Variants in IFT25 observed in about 807,000 individuals in gnomAD.
IFT25 encodes the protein intraflagellar transport 25.
the IFT25 span, chr1:53,929,561 A>G: frequency 6.6e-6 from 1 of 152,670 alleles, no homozygotes; most frequent in Non-Finnish European, 1.5e-5. Context: ...TTATCCCCCT[A>G]AATTCCTGAG....
At chr1:53,921,435 G>A in the IFT25 span, 1 of 464,300 alleles carries the variant, frequency 2.2e-6, no homozygotes, top group Non-Finnish European at 3.9e-6. Flanking sequence ...TCACTTCCTT[G>A]ATTAAGCTAT....
chr1:53,931,210 C>T, the IFT25 span, among the ~76,000 whole-genome samples: 1 of 152,122 alleles, frequency 6.6e-6, no homozygotes, highest in African/African-American at 2.4e-5. Context: ...ATTTTAATTG[C>T]TTGCAGCTTT....
At chr1:53,919,787 ACT>A in the IFT25 span, among the ~76,000 whole-genome samples, 1 of 143,612 alleles carries the variant, frequency 7.0e-6, no homozygotes, top group African/African-American at 2.9e-5. Flanking sequence ...CAAATCAATA[ACT>A]TTTTTCCTTT....
chr1:53,940,264 C>A, the IFT25 span, among the ~76,000 whole-genome samples: 2 of 152,114 alleles, frequency 1.3e-5, no homozygotes, highest in Non-Finnish European at 2.9e-5. Flanking sequence ...AAACCTCTCC[C>A]AGGGATAATC....
At chr1:53,928,258 C>A in the IFT25 span, 2 of 810,106 alleles carry the variant, frequency 2.5e-6, no homozygotes, top group South Asian at 1.7e-5. Context: ...AAATGTGTCA[C>A]AAGGATCATT....
the IFT25 span, chr1:53,928,326 A>C: frequency 2.1e-6 from 3 of 1,402,636 alleles, no homozygotes; most frequent in South Asian, 3.5e-5. Flanking sequence ...TCAAAGGAAT[A>C]TTATCTACTC....
At chr1:53,941,890 C>T in the IFT25 span, among the ~76,000 whole-genome samples, 2,107 of 152,232 alleles carry the variant, frequency 0.014, 58 homozygotes, top group African/African-American at 0.049. Context: ...TCAGACAAAG[C>T]TTCTCAAGAT....
the IFT25 span, chr1:53,928,718 G>A: frequency 1.5e-5 from 5 of 337,806 alleles, no homozygotes; most frequent in Admixed American, 4.6e-5. Flanking sequence ...TGTGTATGGC[G>A]ATAATACTAC....
chr1:53,924,973 AAAT>A, the IFT25 span, among the ~76,000 whole-genome samples: 1 of 152,238 alleles, frequency 6.6e-6, no homozygotes, highest in Non-Finnish European at 1.5e-5. Context: ...CCCTTTTCTG[AAAT>A]AATGAAAATC....
the IFT25 span, among the ~76,000 whole-genome samples, chr1:53,940,833 C>T: frequency 6.6e-6 from 1 of 151,904 alleles, no homozygotes; most frequent in African/African-American, 2.4e-5. Context: ...CCTTAGCCTC[C>T]CAAGTAGCTG....
chr1:53,912,227 GA>G, the IFT25 span, among the ~76,000 whole-genome samples: 5 of 152,300 alleles, frequency 3.3e-5, no homozygotes, highest in African/African-American at 1.2e-4. Context: ...CAAATGCACA[GA>G]AATCTCCCCA....
At chr1:53,927,835 A>G in the IFT25 span, among the ~76,000 whole-genome samples, 1 of 152,216 alleles carries the variant, frequency 6.6e-6, no homozygotes, top group South Asian at 2.1e-4. Context: ...TCTCTTTATC[A>G]TAATATACAC....
At chr1:53,915,259 T>G in the IFT25 span, among the ~76,000 whole-genome samples, 1 of 152,306 alleles carries the variant, frequency 6.6e-6, no homozygotes. Context: ...GGAGCTTACA[T>G]TCTAGTGAGA....
At chr1:53,946,035 C>T in the IFT25 span, 1 of 152,454 alleles carries the variant, frequency 6.6e-6, no homozygotes, top group Non-Finnish European at 1.5e-5. Flanking sequence ...CCACGCCTCC[C>T]ACAGGCCCCG....
At chr1:53,911,718 C>T in the IFT25 span, among the ~76,000 whole-genome samples, 1 of 152,144 alleles carries the variant, frequency 6.6e-6, no homozygotes, top group Non-Finnish European at 1.5e-5. Context: ...AGCCGAGATT[C>T]AAACCGGATC....
the IFT25 span, chr1:53,939,818 A>T: frequency 8.6e-6 from 5 of 582,992 alleles, no homozygotes; most frequent in Admixed American, 1.1e-4. Context: ...ACCTAAATAT[A>T]CACAACTCAA....
chr1:53,940,928 C>T, the IFT25 span, among the ~76,000 whole-genome samples: 7 of 151,640 alleles, frequency 4.6e-5, no homozygotes, highest in Middle Eastern at 3.4e-3. Flanking sequence ...GCATGTAATC[C>T]CAGAACTTTG....
At chr1:53,916,178 C>CAA in the IFT25 span, among the ~76,000 whole-genome samples, 351 of 68,422 alleles carry the variant, frequency 5.1e-3, 3 homozygotes, top group African/African-American at 0.015. Context: ...GACCTGCTCT[C>CAA]AAAAAAAAAA....
chr1:53,917,417 TAGTTCTATATGCATTTA>T, the IFT25 span, among the ~76,000 whole-genome samples: 1 of 152,236 alleles, frequency 6.6e-6, no homozygotes, highest in Non-Finnish European at 1.5e-5. Context: ...CAGTCACCCA[TAGTTCTATATGCATTTA>T]AGCTCATGCA....
Sources: allele counts gnomAD v4.1 joint callset (sites outside exome capture counted in the v4.1 genomes callset), GRCh38; gene constraint gnomAD v4.1.1; transcripts MANE v1.5; gene names NCBI Gene and HGNC (gene_info 2026-07-23, HGNC 2026-07-21).